USP40: variants seen among roughly 807,000 people sequenced by gnomAD.
USP40 encodes ubiquitin carboxyl-terminal hydrolase 40.
A neutral mutation model predicts 166.2 loss-of-function variants in USP40; 143 were observed. The observed-to-expected ratio is 0.86, with a 90% confidence interval of 0.75 to 0.99. The LOEUF (loss-of-function observed/expected upper bound fraction) is 0.99, where lower values mean the gene tolerates loss of function less well. USP40 is among the 50% of genes least tolerant of loss of function. The pLI is 0.00. For missense variants in USP40, 1,444 were observed against 1,479.7 expected (o/e 0.98, Z 0.40); for synonymous variants, 498 against 524.0 (o/e 0.95, Z 0.68).
chr2:233,545,888 G>C (rs2069874741), intron 8 of USP40: 2 of 153,728 alleles, frequency 1.3e-5, no homozygotes, highest in Non-Finnish European at 2.9e-5. Flanking sequence ...CAAGCACAGT[G>C]TCCACCAGAT....
chr2:233,505,758 T>C (rs1352349055), intron 21 of USP40, among the ~76,000 whole-genome samples: 1 of 152,094 alleles, frequency 6.6e-6, no homozygotes, highest in Non-Finnish European at 1.5e-5. Context: ...GAATATCAAT[T>C]CTCCTCAAAC....
chr2:233,523,410 T>A lies in USP40; in HGVS notation c.1961A>T (p.Asp654Val). 6.2e-7 allele frequency: 1 copy of A among 1,614,014 alleles called. No homozygotes were observed. The highest frequency in any genetic ancestry group is 2.2e-5 in the East Asian group (1 of 44,886). The change falls in exon 16 of 32, where the codon GAT becomes GTT. Residue 654 changes from aspartate to valine, a missense_variant. By Grantham distance (152) the Asp-to-Val change is radical. Transcript: ENST00000678225. ...LNVLHLDTSS[D>V]GEKCCQVIES... ...TATCACCTGACAACACTTTTCTCCA[T>A]CACTGCTTGTGTCTAGATGAAGAAC...
At chr2:233,532,757 T>C (rs1332612103) in intron 11 of USP40, among the ~76,000 whole-genome samples, 1 of 151,888 alleles carries the variant, frequency 6.6e-6, no homozygotes, top group South Asian at 2.1e-4. Flanking sequence ...ACCTGGGCAA[T>C]ACAGCGAGAC....
At position 233,485,869 on chromosome 2, in the gene USP40, G is replaced by A; in HGVS notation, c.3306C>T (p.Ser1102=). The A allele has an allele frequency of 1.9e-6, 3 of 1,608,100 alleles. No homozygotes were observed. Among genetic ancestry groups the A allele is most frequent in the Non-Finnish European group, 2.5e-6 (3 of 1,177,550 alleles). The part of the protein sequence containing the change: ...WNAAQGGTAG[S]LRQRVADFYR... ...AGAAATCGGCAACTCTCTGCCTCAG[G>A]GAGCCGGCAGTCCCACCCTGGGCCG... The change falls in exon 29 of 32, where the codon TCC becomes TCT. Residue 1102 remains serine, a synonymous_variant. Coordinates refer to ENST00000678225, the MANE Select transcript of USP40 (RefSeq NM_001365479.2).
At chr2:233,496,912 T>C in intron 23 of USP40, 80 bp from the exon 24 acceptor site, 1 of 995,946 alleles carries the variant, frequency 1.0e-6, no homozygotes, top group African/African-American at 1.6e-5. Context: ...ACCCCATGCC[T>C]CTATTATCTT....
intron 8 of USP40, among the ~76,000 whole-genome samples, chr2:233,548,650 C>T (rs749058672): frequency 3.9e-5 from 6 of 152,082 alleles, no homozygotes; most frequent in Non-Finnish European, 8.8e-5. Flanking sequence ...AACTATTAGA[C>T]AACAGTATTA....
intron 31 of USP40, among the ~76,000 whole-genome samples, chr2:233,479,840 G>A (rs545864268): frequency 4.3e-4 from 66 of 152,048 alleles, no homozygotes; most frequent in Non-Finnish European, 9.0e-4. Context: ...CAAAGGCCAC[G>A]GGACAGTGCT....
In USP40 at chr2:233,529,814, C is replaced by CTTTT. The variant is rs369071345; in HGVS notation, c.1472-306_1472-303dup. Among the ~76,000 whole-genome samples the CTTTT allele has an allele frequency of 5.2e-5, 7 of 133,948 alleles. 2 individuals are homozygous for CTTTT. Among genetic ancestry groups the CTTTT allele is most frequent in the Admixed American group, 1.6e-4 (2 of 12,504 alleles). 87.9% of individuals were successfully genotyped at this position (133,948 alleles called of 152,430 possible). A position where few individuals can be genotyped will look rare whatever the true frequency, so the allele number is the denominator to read the frequency against. The stretch of plus-strand genomic sequence containing the variant: ...ATCTTTTTTTTTTCTTTTTCTTTTT[C>CTTTT]TTTTTTTTTTTGAGACGGAGTCTCA... On this transcript the variant is annotated intron_variant, in intron 11 of 31. Coordinates refer to ENST00000678225, the MANE Select transcript of USP40 (RefSeq NM_001365479.2).
At chr2:233,478,079 C>T (rs1031181067) in intron 31 of USP40, among the ~76,000 whole-genome samples, 2 of 152,276 alleles carry the variant, frequency 1.3e-5, no homozygotes, top group African/African-American at 2.4e-5. Flanking sequence ...AAAGCCTCCG[C>T]GGCCCACCCG....
At chr2:233,540,047 C>A (rs1056242515) in intron 10 of USP40, among the ~76,000 whole-genome samples, 1 of 150,692 alleles carries the variant, frequency 6.6e-6, no homozygotes, top group Non-Finnish European at 1.5e-5. Flanking sequence ...ATCACTGGAG[C>A]CTGGGAGGTG....
intron 16 of USP40, among the ~76,000 whole-genome samples, chr2:233,522,071 G>A (rs1353997971): frequency 6.6e-6 from 1 of 152,160 alleles, no homozygotes; most frequent in Non-Finnish European, 1.5e-5. Flanking sequence ...TTGCCTAGGA[G>A]CACAGTTAGG....
chr2:233,561,449 G>C (rs1356388935), intron 3 of USP40, among the ~76,000 whole-genome samples: 2 of 150,292 alleles, frequency 1.3e-5, no homozygotes, highest in African/African-American at 4.9e-5. Context: ...ACAAACCTGA[G>C]AAAAACAAGC....
chr2:233,481,863 G>C (rs147682196), intron 30 of USP40, among the ~76,000 whole-genome samples: 156 of 152,282 alleles, frequency 1.0e-3, no homozygotes, highest in Non-Finnish European at 1.9e-3. Flanking sequence ...TTTTCCACAC[G>C]CATGTTATTT....
rs1559224430 is a variant in USP40 at position 233,494,962 on chromosome 2, A to ATATT, written c.2791-1412_2791-1411insAATA. On this transcript the variant is annotated intron_variant, in intron 24 of 31. Transcript: ENST00000678225. ...TATATATATATATATATATTTATAT[A>ATATT]TATATATATATATATATACACACAC... Among the ~76,000 whole-genome samples, 231 of 71,194 alleles carry ATATT rather than the reference A, an allele frequency of 3.2e-3. 2 individuals are homozygous for ATATT. Among genetic ancestry groups the ATATT allele is most frequent in the Non-Finnish European group, 4.6e-3 (167 of 36,694 alleles). 46.7% of individuals were successfully genotyped at this position (71,194 alleles called of 152,430 possible). A position where few individuals can be genotyped will look rare whatever the true frequency, so the allele number is the denominator to read the frequency against.
At chr2:233,519,129 T>A (rs1242462591) in intron 18 of USP40, among the ~76,000 whole-genome samples, 1 of 152,164 alleles carries the variant, frequency 6.6e-6, no homozygotes, top group African/African-American at 2.4e-5. Flanking sequence ...GGTACAGGGA[T>A]ATTTTTGGAG....
intron 16 of USP40, among the ~76,000 whole-genome samples, chr2:233,522,019 A>G (rs1234274448): frequency 6.6e-6 from 1 of 152,342 alleles, no homozygotes; most frequent in East Asian, 1.9e-4. Context: ...GAGCAGAGAA[A>G]GACGAAATAC....
chr2:233,557,159 G>A (rs2071171568), intron 4 of USP40, 140 bp from the exon 5 acceptor site: 1 of 723,182 alleles, frequency 1.4e-6, no homozygotes. Flanking sequence ...AGCAAAACAA[G>A]CTGAGCTGGT....
intron 10 of USP40, among the ~76,000 whole-genome samples, chr2:233,534,570 G>A (rs1262139910): frequency 6.6e-6 from 1 of 152,128 alleles, no homozygotes; most frequent in East Asian, 1.9e-4. Context: ...AGTAATTTGT[G>A]GTAATGTCAA....
chr2:233,516,135 A>C (rs1454110959), intron 18 of USP40, among the ~76,000 whole-genome samples: 1 of 152,164 alleles, frequency 6.6e-6, no homozygotes, highest in Non-Finnish European at 1.5e-5. Flanking sequence ...GAAAAAAAAC[A>C]GGTTGTAGGC....
Sources: gnomAD v4.1 joint callset for allele counts (sites outside exome capture counted in the v4.1 genomes callset) on GRCh38, gnomAD v4.1.1 for gene constraint, MANE v1.5 for transcripts, NCBI Gene and HGNC (gene_info 2026-07-23, HGNC 2026-07-21) for gene names.